EDN1: variants seen among roughly 807,000 people sequenced by gnomAD.
EDN1 encodes endothelin-1.
Under a neutral mutation model 21.7 loss-of-function variants are expected in EDN1, and 11 were observed. The observed-to-expected ratio is 0.51, with a 90% confidence interval of 0.32 to 0.84. The LOEUF is 0.84. Among genes scored for constraint, EDN1 ranks in the 40% least tolerant of loss-of-function variants. EDN1 has a pLI of 0.03. For missense variants in EDN1, 244 were observed against 262.3 expected (o/e 0.93, Z 0.48); for synonymous variants, 85 against 90.6 (o/e 0.94, Z 0.35).
chr6:12,285,847 AC>A (rs1389325212), upstream of EDN1, among the ~76,000 whole-genome samples: 1 of 152,196 alleles, frequency 6.6e-6, no homozygotes, highest in Non-Finnish European at 1.5e-5. Flanking sequence ...AGTGTGAGCC[AC>A]CATGCCCAGC....
At chr6:12,239,557 T>C in the EDN1 span, among the ~76,000 whole-genome samples, 135 of 152,258 alleles carry the variant, frequency 8.9e-4, no homozygotes, top group African/African-American at 3.2e-3. Context: ...AACTTAAATA[T>C]GATGGCTTAA....
chr6:12,268,240 G>T, the EDN1 span, among the ~76,000 whole-genome samples: 1 of 152,092 alleles, frequency 6.6e-6, no homozygotes, highest in Non-Finnish European at 1.5e-5. Flanking sequence ...TAATGCCATA[G>T]CTTCCATAGA....
chr6:12,295,901 C>G, intron 4 of EDN1, 61 bp from the exon 5 acceptor site: 1 of 1,552,252 alleles, frequency 6.4e-7, no homozygotes, highest in Non-Finnish European at 8.8e-7. Flanking sequence ...TTACATGTTT[C>G]TTTTGCCAAA....
chr6:12,278,690 G>A, the EDN1 span, among the ~76,000 whole-genome samples: 1 of 152,102 alleles, frequency 6.6e-6, no homozygotes, highest in African/African-American at 2.4e-5. Flanking sequence ...TCAGGAGTTC[G>A]AGACCTGACC....
chr6:12,286,332 A>G (rs1028500586), upstream of EDN1, among the ~76,000 whole-genome samples: 1 of 152,196 alleles, frequency 6.6e-6, no homozygotes, highest in Non-Finnish European at 1.5e-5. Context: ...ATCAACCATT[A>G]TTTTTTGGAC....
At chr6:12,265,699 C>T in the EDN1 span, among the ~76,000 whole-genome samples, 2 of 152,200 alleles carry the variant, frequency 1.3e-5, no homozygotes, top group Non-Finnish European at 2.9e-5. Context: ...AACTCACACA[C>T]GATCCATTTT....
chr6:12,275,802 C>CATGT, the EDN1 span, among the ~76,000 whole-genome samples: 105 of 147,242 alleles, frequency 7.1e-4, 1 homozygote, highest in Middle Eastern at 3.5e-3. Flanking sequence ...TTGGGGGCAC[C>CATGT]GTGTGTGTGT....
At chr6:12,264,080 C>T in the EDN1 span, among the ~76,000 whole-genome samples, 2 of 152,090 alleles carry the variant, frequency 1.3e-5, no homozygotes, top group African/African-American at 4.8e-5. Context: ...AGAGTAATTC[C>T]TAATATAAAA....
upstream of EDN1, among the ~76,000 whole-genome samples, chr6:12,285,503 T>TGTGGTGAGCATGTTCCCCAAGG (rs566942770): frequency 1.3e-3 from 191 of 152,310 alleles, 1 homozygote; most frequent in Middle Eastern, 0.014. Flanking sequence ...TTGATGGAAC[T>TGTGGTGAGCATGTTCCCCAAGG]GTGGTGAGCA....
chr6:12,248,126 AAAC>A, the EDN1 span, among the ~76,000 whole-genome samples: 1 of 152,172 alleles, frequency 6.6e-6, no homozygotes, highest in African/African-American at 2.4e-5. Flanking sequence ...GTAAAGCTAG[AAAC>A]AACAAGATCG....
the EDN1 span, among the ~76,000 whole-genome samples, chr6:12,282,742 A>G: frequency 2.6e-5 from 4 of 152,154 alleles, no homozygotes; most frequent in African/African-American, 9.7e-5. Context: ...TTTTTCCCAC[A>G]TTTCTCTAAA....
chr6:12,276,028 G>C, the EDN1 span, among the ~76,000 whole-genome samples: 50 of 151,944 alleles, frequency 3.3e-4, no homozygotes, highest in Non-Finnish European at 5.9e-4. Context: ...TGGGCGTGGT[G>C]GTGGGTGCCT....
chr6:12,279,096 A>G, the EDN1 span, among the ~76,000 whole-genome samples: 1 of 152,208 alleles, frequency 6.6e-6, no homozygotes, highest in Non-Finnish European at 1.5e-5. Context: ...CTGTAGTCAT[A>G]AAACCTGCTT....
chr6:12,247,536 C>CTT, the EDN1 span, among the ~76,000 whole-genome samples: 227 of 97,752 alleles, frequency 2.3e-3, 3 homozygotes, highest in African/African-American at 5.6e-3. Flanking sequence ...TTCTTTCTTT[C>CTT]TTTTTTTTTT....
the EDN1 span, among the ~76,000 whole-genome samples, chr6:12,261,824 G>A: frequency 5.6e-4 from 86 of 152,318 alleles, no homozygotes; most frequent in African/African-American, 2.1e-3. Flanking sequence ...TATGGTTACA[G>A]TTAAAGGAAG....
At chr6:12,283,569 T>C in the EDN1 span, among the ~76,000 whole-genome samples, 1 of 152,216 alleles carries the variant, frequency 6.6e-6, no homozygotes, top group African/African-American at 2.4e-5. Context: ...TCACTGGAGC[T>C]AATGTACAGG....
At chr6:12,268,176 G>A in the EDN1 span, among the ~76,000 whole-genome samples, 1 of 152,124 alleles carries the variant, frequency 6.6e-6, no homozygotes, top group African/African-American at 2.4e-5. Flanking sequence ...TGTAGCCCAT[G>A]GATCAAGGAG....
the EDN1 span, among the ~76,000 whole-genome samples, chr6:12,252,993 A>G: frequency 7.2e-5 from 11 of 152,222 alleles, no homozygotes; most frequent in Admixed American, 3.3e-4. Flanking sequence ...AAAACTCTAC[A>G]TGCCAAAGAC....
chr6:12,243,897 C>CT, the EDN1 span, among the ~76,000 whole-genome samples: 1 of 151,992 alleles, frequency 6.6e-6, no homozygotes, highest in Non-Finnish European at 1.5e-5. Flanking sequence ...TACAAATATT[C>CT]TTTTTTTATT....
Sources: allele counts gnomAD v4.1 joint callset (sites outside exome capture counted in the v4.1 genomes callset), GRCh38; gene constraint gnomAD v4.1.1; transcripts MANE v1.5; gene names NCBI Gene and HGNC (gene_info 2026-07-23, HGNC 2026-07-21).